Variants in HLTF observed in about 807,000 individuals in gnomAD.
The protein encoded by HLTF is DNA-dependent ATPase/E3 ubiquitin-protein ligase HLTF.
HLTF carries 127 observed loss-of-function variants against 129.4 expected under a neutral mutation model. The ratio of observed to expected loss-of-function variants is 0.98; its 90% CI spans 0.85 to 1.14. HLTF has a LOEUF of 1.14. HLTF is among the 50% of genes most tolerant of loss of function. The probability of loss-of-function intolerance (pLI) is 0.00; values close to 1 mark genes in which losing one functional copy is unlikely to be tolerated. For missense variants in HLTF, 1,139 were observed against 1,187.1 expected, an observed-to-expected ratio of 0.96 and a Z score of 0.60; for synonymous variants, 332 against 388.8, an observed-to-expected ratio of 0.85 and a Z score of 1.72.
intron 7 of HLTF, among the ~76,000 whole-genome samples, chr3:149,070,826 C>T (rs1334785209): frequency 2.6e-5 from 4 of 152,178 alleles, no homozygotes; most frequent in African/African-American, 9.7e-5. Flanking sequence ...GGGCGGATCA[C>T]TTGAAGTCAG....
chr3:149,080,825 AAAAC>A (rs1342751828), intron 2 of HLTF, among the ~76,000 whole-genome samples: 2 of 152,202 alleles, frequency 1.3e-5, no homozygotes, highest in Non-Finnish European at 2.9e-5. Flanking sequence ...GACATATAAA[AAAAC>A]AAAAAGACAA....
rs1338249457 is a variant in HLTF at position 149,083,261 on chromosome 3, A to AT, written c.228+1420_228+1421insA. ...AGCAAGACTCCGTTTCAAAAAAAAAACAAAAACAAATAAAAGAACATGCAT... is the reference window on the plus strand; with the variant it reads ...AGCAAGACTCCGTTTCAAAAAAAAAATCAAAAACAAATAAAAGAACATGCAT... On this transcript the variant is annotated intron_variant, in intron 2 of 24. Transcript: ENST00000310053. Among the ~76,000 whole-genome samples the AT allele has an allele frequency of 5.9e-5, 9 of 152,252 alleles. No individual in the cohort carries two copies. In the South Asian group the frequency reaches 1.7e-3, roughly 28 times the overall value.
chr3:149,044,577 C>T (rs1239616622), intron 18 of HLTF, among the ~76,000 whole-genome samples: 2 of 152,018 alleles, frequency 1.3e-5, no homozygotes, highest in Non-Finnish European at 1.5e-5. Context: ...ACTTTGAACT[C>T]GACTCTCCTA....
chr3:149,059,043 C>A (rs554901248), intron 13 of HLTF, among the ~76,000 whole-genome samples: 3 of 152,258 alleles, frequency 2.0e-5, no homozygotes, highest in Admixed American at 2.0e-4. Context: ...CATAAACAAG[C>A]CCCTTCAGGT....
intron 23 of HLTF, 38 bp downstream of exon 23, chr3:149,039,011 A>G (rs1041040069): frequency 5.0e-6 from 6 of 1,210,798 alleles, no homozygotes; most frequent in Admixed American, 5.4e-5. Context: ...TTTTGAAAGA[A>G]GTACTAAGAT....
intron 7 of HLTF, among the ~76,000 whole-genome samples, chr3:149,070,380 T>C (rs1242838826): frequency 6.6e-6 from 1 of 152,222 alleles, no homozygotes; most frequent in Non-Finnish European, 1.5e-5. Flanking sequence ...AATGTGACAA[T>C]GCCAGTTGTT....
Position 149,048,040 on chromosome 3 carries a change from T to C in HLTF, c.1880A>G (p.Glu627Gly), listed in dbSNP as rs763528995. ...TGAAAGTACTTACCTAAGTCCTCCT[T>C]CATCTCCCATTGTGACAGGACGCTG... ...TIQRPVTMGD[E>G]GGLRRLQSLI... Residue 627 changes from glutamate (E) to glycine (G), a missense_variant, in exon 17 of 25, where the codon GAA becomes GGA. Glu to Gly is a moderately conservative substitution (Grantham distance 98, BLOSUM62 -2). Transcript: ENST00000310053. 1.2e-6 allele frequency: 2 copies of C among 1,602,150 alleles called. No homozygotes were observed. The highest frequency in any genetic ancestry group is 1.1e-5 in the South Asian group (1 of 88,310).
At chr3:149,032,919 C>T (rs970417495) in intron 24 of HLTF, among the ~76,000 whole-genome samples, 8 of 146,416 alleles carry the variant, frequency 5.5e-5, no homozygotes, top group African/African-American at 1.8e-4. Context: ...GCCGACATTG[C>T]GCCACTGCAC....
rs1055382497 is a variant in HLTF, at chr3:149,056,507, G to A, written c.1376-1107C>T. Among the ~76,000 whole-genome samples, 11 of 152,188 alleles carry A rather than the reference G, an allele frequency of 7.2e-5. No individual in the cohort carries two copies. The East Asian group carries it at 1.9e-3, about 27-fold the overall frequency. Reference sequence around the variant, plus strand: ...GAGCAAAGTATCATACTGTATCTACGTATCATTCACAACTTGCTTTTTTCT... The same window carrying A: ...GAGCAAAGTATCATACTGTATCTACATATCATTCACAACTTGCTTTTTTCT... On this transcript the variant is annotated intron_variant, in intron 13 of 24. Transcript: ENST00000310053.
chr3:149,039,454 C>G, intron 22 of HLTF, 127 bp downstream of exon 22: 1 of 608,314 alleles, frequency 1.6e-6, no homozygotes, highest in Non-Finnish European at 2.7e-6. Flanking sequence ...TCTATTGTGA[C>G]TCTGAATATC....
In HLTF at chr3:149,035,006, G is replaced by T. The variant is rs753887646; in HGVS notation, c.2797-8C>A. The T allele has an allele frequency of 1.3e-6, 2 of 1,597,358 alleles. No homozygotes were observed. Among genetic ancestry groups the T allele is most frequent in the African/African-American group, 1.3e-5 (1 of 74,636 alleles). The stretch of plus-strand genomic sequence containing the variant: ...AGCAGCAGGATTCCAGGCCTAACAA[G>T]AACATGGATGAGTTACTTTACTACT... On this transcript the variant is annotated splice_polypyrimidine_tract_variant and splice_region_variant and intron_variant, in intron 23 of 24. Transcript: ENST00000310053.
intron 3 of HLTF, 64 bp downstream of exon 3, chr3:149,075,817 C>A: frequency 1.8e-6 from 2 of 1,097,928 alleles, no homozygotes; most frequent in Non-Finnish European, 1.3e-6. Flanking sequence ...AACAAGAAGC[C>A]CTAACAAGTT....
Position 149,061,092 on chromosome 3 carries a change from CA to C in HLTF, c.1161-235del, listed in dbSNP as rs1490619845. On this transcript the variant is annotated intron_variant, in intron 10 of 24. Transcript: ENST00000310053. Reference sequence around the variant, plus strand: ...GTACCACCGTTATTGTTTTTTGAGACAGGGTCTCACTCTTTTGCCCAGGATG... The same window carrying C: ...GTACCACCGTTATTGTTTTTTGAGACGGGTCTCACTCTTTTGCCCAGGATG... Among the ~76,000 whole-genome samples, 7 of 152,118 alleles carry C rather than the reference CA, an allele frequency of 4.6e-5. No individual in the cohort carries two copies. The East Asian group carries it at 1.4e-3, about 29-fold the overall frequency.
intron 2 of HLTF, among the ~76,000 whole-genome samples, chr3:149,080,902 A>T (rs1388722256): frequency 6.6e-6 from 1 of 152,210 alleles, no homozygotes; most frequent in Non-Finnish European, 1.5e-5. Context: ...CCGCATAACA[A>T]CATTTCAGCA....
intron 14 of HLTF, 68 bp downstream of exon 14, chr3:149,055,235 C>A: frequency 8.9e-7 from 1 of 1,123,052 alleles, no homozygotes; most frequent in Non-Finnish European, 1.3e-6. Context: ...GACTCTTTAA[C>A]AGAATACTTT....
chr3:149,078,111 A>G (rs986971316), intron 2 of HLTF, among the ~76,000 whole-genome samples: 2 of 152,256 alleles, frequency 1.3e-5, no homozygotes, highest in African/African-American at 4.8e-5. Context: ...CAATTTTTCA[A>G]GAAAAAAAGT....
At chr3:149,034,364 G>A (rs981116205) in intron 24 of HLTF, among the ~76,000 whole-genome samples, 2 of 152,016 alleles carry the variant, frequency 1.3e-5, no homozygotes, top group Non-Finnish European at 2.9e-5. Context: ...ATATCTATAT[G>A]GTTTTGTAGA....
Position 149,071,371 on chromosome 3 carries a change from C to G in HLTF, c.775G>C (p.Glu259Gln), listed in dbSNP as rs1289422365. Residue 259 changes from glutamate to glutamine, a missense_variant, in exon 7 of 25, where the codon GAA becomes CAA. Coordinates refer to ENST00000310053, the MANE Select transcript of HLTF (RefSeq NM_003071.4). ...CGCTGTTCCCAGAATGGTGGAAGTT[C>G]TTTGCTATTTTCCCGTGACACCATC... ...AWMVSRENSK[E>Q]LPPFWEQRND... 2.3e-5 allele frequency: 37 copies of G among 1,613,534 alleles called. No homozygotes were observed. The highest frequency in any genetic ancestry group is 3.1e-5 in the Non-Finnish European group (36 of 1,179,636).
At chr3:149,077,844 A>T (rs1236048400) in intron 2 of HLTF, among the ~76,000 whole-genome samples, 2 of 152,154 alleles carry the variant, frequency 1.3e-5, no homozygotes, top group Non-Finnish European at 2.9e-5. Context: ...AGAAGTTCTC[A>T]GCAAAGAATG....
Sources: gnomAD v4.1 joint callset for allele counts (sites outside exome capture counted in the v4.1 genomes callset) on GRCh38, gnomAD v4.1.1 for gene constraint, MANE v1.5 for transcripts, NCBI Gene and HGNC (gene_info 2026-07-23, HGNC 2026-07-21) for gene names.